Variants in UNC93A observed in about 807,000 individuals in gnomAD.
UNC93A encodes the protein unc-93 homolog A.
In UNC93A, 43 loss-of-function variants were observed where a neutral mutation model predicts 47.5. That is an observed-to-expected ratio of 0.91 (90% CI 0.71 to 1.17). UNC93A has a LOEUF of 1.17. Ranked by LOEUF, UNC93A falls within the 50% of genes most tolerant of loss-of-function variation. The pLI, the probability that UNC93A is intolerant of heterozygous loss-of-function variation, is 0.00. For synonymous variants in UNC93A, 280 were observed against 258.0 expected (o/e 1.09, Z -0.82); for missense variants, 605 against 577.6 (o/e 1.05, Z -0.49).
chr6:167,286,072 A>AAT (rs1271170443), intron 1 of UNC93A, among the ~76,000 whole-genome samples: 2 of 145,796 alleles, frequency 1.4e-5, no homozygotes, highest in Non-Finnish European at 2.9e-5. Flanking sequence ...TGGCTATATG[A>AAT]ATATATATAC....
At chr6:167,274,865 G>A (rs571059774) in intron 1 of UNC93A, among the ~76,000 whole-genome samples, 1 of 152,274 alleles carries the variant, frequency 6.6e-6, no homozygotes, top group East Asian at 1.9e-4. Context: ...CAAGCTCACA[G>A]TGCAAATTGC....
At chr6:167,275,999 T>C (rs1783535503) in intron 1 of UNC93A, among the ~76,000 whole-genome samples, 1 of 152,084 alleles carries the variant, frequency 6.6e-6, no homozygotes, top group Non-Finnish European at 1.5e-5. Flanking sequence ...TCCCTACCAT[T>C]TCCAGCCTCT....
chr6:167,269,894 C>T (rs1024785991), upstream of UNC93A, among the ~76,000 whole-genome samples: 2 of 152,224 alleles, frequency 1.3e-5, no homozygotes, highest in South Asian at 4.2e-4. Flanking sequence ...GGATTACAGG[C>T]GTGAGCCACT....
chr6:167,276,425 A>G (rs997106951), intron 1 of UNC93A, among the ~76,000 whole-genome samples: 4 of 152,196 alleles, frequency 2.6e-5, no homozygotes, highest in Admixed American at 6.5e-5. Context: ...AGGAATCTCC[A>G]TACTATTTTT....
intron 1 of UNC93A, among the ~76,000 whole-genome samples, chr6:167,277,125 T>G (rs1184755629): frequency 2.6e-5 from 4 of 152,226 alleles, no homozygotes; most frequent in African/African-American, 4.8e-5. Context: ...TTGTCTCCAG[T>G]AGGATCACCC....
At chr6:167,294,424 C>A in intron 1 of UNC93A, 93 bp from the exon 2 acceptor site, 3 of 1,449,752 alleles carry the variant, frequency 2.1e-6, no homozygotes, top group Non-Finnish European at 2.8e-6. Flanking sequence ...GGAGCTGTGG[C>A]GGCCTCCAGC....
intron 2 of UNC93A, among the ~76,000 whole-genome samples, chr6:167,295,326 C>T (rs1013397679): frequency 2.0e-4 from 30 of 152,360 alleles, no homozygotes; most frequent in East Asian, 1.2e-3. Context: ...CATGGCATGC[C>T]GCCGCTGAGG....
chr6:167,301,559 A>G (rs1243932761), intron 4 of UNC93A, among the ~76,000 whole-genome samples: 1 of 152,158 alleles, frequency 6.6e-6, no homozygotes. Context: ...AGAATTTAGG[A>G]CACAGCTGTG....
At chr6:167,300,115 C>A (rs948401192) in intron 4 of UNC93A, among the ~76,000 whole-genome samples, 4 of 152,128 alleles carry the variant, frequency 2.6e-5, no homozygotes, top group African/African-American at 9.7e-5. Context: ...GCCGGGAACA[C>A]CTGGCTTGAG....
At chr6:167,272,243 G>T (rs961870653) in intron 1 of UNC93A, among the ~76,000 whole-genome samples, 1 of 152,202 alleles carries the variant, frequency 6.6e-6, no homozygotes, top group African/African-American at 2.4e-5. Flanking sequence ...ATCCCACAGG[G>T]CATCGAGAAT....
intron 1 of UNC93A, among the ~76,000 whole-genome samples, chr6:167,281,987 C>T (rs1332443362): frequency 6.6e-6 from 1 of 152,198 alleles, no homozygotes; most frequent in Non-Finnish European, 1.5e-5. Context: ...TAGACTGAGA[C>T]TTTATGGTCT....
At chr6:167,275,381 C>A (rs915116682) in intron 1 of UNC93A, among the ~76,000 whole-genome samples, 2 of 152,222 alleles carry the variant, frequency 1.3e-5, no homozygotes, top group African/African-American at 4.8e-5. Flanking sequence ...CCTCTTCACA[C>A]CCTTCCGTTT....
At chr6:167,270,663 G>T (rs1213927286), upstream of UNC93A, among the ~76,000 whole-genome samples, 1 of 152,210 alleles carries the variant, frequency 6.6e-6, no homozygotes, top group East Asian at 1.9e-4. Context: ...AGAGCAGGGT[G>T]AGCCTCGAGT....
At chr6:167,278,697 C>T (rs1431133290) in intron 1 of UNC93A, among the ~76,000 whole-genome samples, 2 of 152,148 alleles carry the variant, frequency 1.3e-5, no homozygotes, top group East Asian at 3.9e-4. Flanking sequence ...GCAAATGCAG[C>T]CATCTGCTTC....
In UNC93A at chr6:167,291,569, G is replaced by C; in HGVS notation, c.80G>C (p.Ser27Thr). 1 of 1,612,468 alleles carries C rather than the reference G, an allele frequency of 6.2e-7. No individual in the cohort carries two copies. Residue 27 changes from serine (S) to threonine (T), a missense_variant, in exon 1 of 8, where the codon AGC becomes ACC. By Grantham distance (58) the Ser-to-Thr change is moderately conservative. Coordinates refer to ENST00000230256, the MANE Select transcript of UNC93A (RefSeq NM_018974.4). Reference sequence around the variant, plus strand: ...TTTACAGCCTATGGAGGTCTGCAGAGCCTGCAGGTATGTGTGTCCGGTCAT... The same window carrying C: ...TTTACAGCCTATGGAGGTCTGCAGACCCTGCAGGTATGTGTGTCCGGTCAT... ...LLFTAYGGLQSLQSSLYSEEG... is the reference protein window; with the variant it reads ...LLFTAYGGLQTLQSSLYSEEG...
intron 7 of UNC93A, among the ~76,000 whole-genome samples, chr6:167,312,331 C>G (rs979876807): frequency 6.6e-6 from 1 of 151,824 alleles, no homozygotes; most frequent in Admixed American, 6.6e-5. Flanking sequence ...AAACCCACTG[C>G]CTTCCCTTTC....
intron 1 of UNC93A, among the ~76,000 whole-genome samples, chr6:167,273,727 G>T (rs1370422506): frequency 6.6e-6 from 1 of 152,072 alleles, no homozygotes; most frequent in African/African-American, 2.4e-5. Flanking sequence ...AGTTCAGACG[G>T]GAAAGGTGGC....
chr6:167,281,137 G>A (rs1451251147), intron 1 of UNC93A, among the ~76,000 whole-genome samples: 2 of 151,926 alleles, frequency 1.3e-5, no homozygotes, highest in Non-Finnish European at 2.9e-5. Flanking sequence ...AGTCCCAGGA[G>A]GCCATCCCAC....
At chr6:167,276,059 C>CT (rs112367150) in intron 1 of UNC93A, among the ~76,000 whole-genome samples, 33,132 of 131,994 alleles carry the variant, frequency 0.25, 4,560 homozygotes, top group Non-Finnish European at 0.32. Context: ...TTTTTCTTTT[C>CT]TTTTCTTTTT....
Sources: gnomAD v4.1 joint callset for allele counts (sites outside exome capture counted in the v4.1 genomes callset) on GRCh38, gnomAD v4.1.1 for gene constraint, MANE v1.5 for transcripts, NCBI Gene and HGNC (gene_info 2026-07-23, HGNC 2026-07-21) for gene names.